SLC6A3: variants seen among roughly 807,000 people sequenced by gnomAD.
The protein encoded by SLC6A3 is sodium-dependent dopamine transporter.
SLC6A3 carries 19 observed loss-of-function variants against 70.4 expected under a neutral mutation model. The ratio of observed to expected loss-of-function variants is 0.27; its 90% CI spans 0.19 to 0.40. SLC6A3 has a LOEUF of 0.40. Ranked by LOEUF, SLC6A3 falls within the 10% of genes least tolerant of loss-of-function variation. The probability of loss-of-function intolerance (pLI) is 1.00; values close to 1 mark genes in which losing one functional copy is unlikely to be tolerated. For synonymous variants in SLC6A3, 368 were observed against 356.6 expected (o/e 1.03, Z -0.36); for missense variants, 613 against 838.5 (o/e 0.73, Z 3.32).
At chr5:1,412,280 G>C (rs1442699426) in intron 8 of SLC6A3, among the ~76,000 whole-genome samples, 1 of 152,196 alleles carries the variant, frequency 6.6e-6, no homozygotes, top group Non-Finnish European at 1.5e-5. Flanking sequence ...CCCCTGCCAC[G>C]GGGTCCCGCA....
Position 1,394,438 on chromosome 5 carries a change from C to T in SLC6A3, c.*297G>A. 1.8e-6 allele frequency: 1 copy of T among 553,090 alleles called. No homozygotes were observed. Among genetic ancestry groups the T allele is most frequent in the South Asian group, 2.1e-5 (1 of 48,158 alleles). 34.3% of individuals were successfully genotyped at this position (553,090 alleles called of 1,614,324 possible). The stretch of plus-strand genomic sequence containing the variant: ...CAGGGAGCAGGGAGGGAGGGAGCCT[C>T]ACACAGACAGCATGAAGTTAGACGT... On this transcript the variant is annotated 3_prime_UTR_variant, in exon 15 of 15. Coordinates refer to ENST00000270349, the MANE Select transcript of SLC6A3 (RefSeq NM_001044.5). The surrounding 1 kb of genome is among the most constrained non-coding windows in gnomAD (Gnocchi z 4.7).
chr5:1,427,473 AAG>A (rs1481260122), intron 4 of SLC6A3, among the ~76,000 whole-genome samples: 1 of 152,244 alleles, frequency 6.6e-6, no homozygotes, highest in Non-Finnish European at 1.5e-5. Flanking sequence ...AGAAACAAAG[AAG>A]AGAGGGGGCA....
At position 1,411,476 on chromosome 5, in the gene SLC6A3, G is replaced by T; in HGVS notation, c.1157-121C>A. On this transcript the variant is annotated intron_variant, in intron 8 of 14. Transcript: ENST00000270349. The surrounding 1 kb of genome is among the most constrained non-coding windows in gnomAD (Gnocchi z 6.5). ...GCCTGTAGAGACTAGGGCTGGTGCGGCTCTGCTGAAAAGCCCCCTTCTATA... is the reference window on the plus strand; with the variant it reads ...GCCTGTAGAGACTAGGGCTGGTGCGTCTCTGCTGAAAAGCCCCCTTCTATA... The T allele has an allele frequency of 1.3e-6, 1 of 773,868 alleles. No individual in the cohort carries two copies. The highest frequency in any genetic ancestry group is 2.2e-6 in the Non-Finnish European group (1 of 447,250). The allele number at this position is 773,868 out of a possible 1,614,324, so 47.9% of individuals were successfully genotyped here. A position where few individuals can be genotyped will look rare whatever the true frequency, so the allele number is the denominator to read the frequency against.
At chr5:1,414,845 A>G (rs934111003) in intron 7 of SLC6A3, 30 bp from the exon 8 acceptor site, 7 of 1,612,386 alleles carry the variant, frequency 4.3e-6, no homozygotes, top group Non-Finnish European at 5.9e-6. Flanking sequence ...CGTCTCAGGA[A>G]CCAGCTGAGC....
At chr5:1,420,103 C>G (rs934379657) in intron 6 of SLC6A3, among the ~76,000 whole-genome samples, 2 of 152,214 alleles carry the variant, frequency 1.3e-5, no homozygotes, top group Non-Finnish European at 2.9e-5. Context: ...CCCTGGGCGG[C>G]TTTGGGGCCT....
chr5:1,432,262 A>G (rs954831409), intron 4 of SLC6A3, among the ~76,000 whole-genome samples: 2 of 152,140 alleles, frequency 1.3e-5, no homozygotes, highest in South Asian at 4.1e-4. Flanking sequence ...CTCGCCCTAC[A>G]GGAGCTTTGC....
chr5:1,441,354 A>G lies in SLC6A3; in HGVS notation c.418+5T>C, dbSNP rs1413429851. On this transcript the variant is annotated splice_donor_5th_base_variant and intron_variant, in intron 3 of 14. Transcript: ENST00000270349. ...CCAGGGTGAAGGGAGGCACCCGCAT[A>G]TTACCTTTCAGTATGGGGCAGATCT... 2 of 1,614,212 alleles carry G rather than the reference A, an allele frequency of 1.2e-6. No individual in the cohort carries two copies. Among genetic ancestry groups the G allele is most frequent in the South Asian group, 2.2e-5 (2 of 91,086 alleles).
In SLC6A3 at chr5:1,396,841, T is replaced by A. The variant is rs1755733459; in HGVS notation, c.1840-2083A>T. On this transcript the variant is annotated intron_variant, in intron 14 of 14. Coordinates refer to ENST00000270349, the MANE Select transcript of SLC6A3 (RefSeq NM_001044.5). The surrounding 1 kb of genome is among the most constrained non-coding windows in gnomAD (Gnocchi z 7.0). ...TACACCAAATGCTGAAGCCAAATAA[T>A]ACACTTTTTAGGAAGCTAGAAATAT... Among the ~76,000 whole-genome samples, 1 of 152,026 alleles carries A rather than the reference T, an allele frequency of 6.6e-6. No individual in the cohort carries two copies. The highest frequency in any genetic ancestry group is 2.4e-5 in the African/African-American group (1 of 41,402).
At chr5:1,412,664 C>T (rs1756157023) in intron 8 of SLC6A3, among the ~76,000 whole-genome samples, 1 of 152,226 alleles carries the variant, frequency 6.6e-6, no homozygotes, top group Non-Finnish European at 1.5e-5. Flanking sequence ...GCCTTGCATC[C>T]TCCACTGGCT....
chr5:1,424,124 C>T (rs1436431666), intron 4 of SLC6A3, among the ~76,000 whole-genome samples: 3 of 152,210 alleles, frequency 2.0e-5, no homozygotes, highest in Non-Finnish European at 4.4e-5. Context: ...AGGCAGAGGC[C>T]CCAGGTTGGC....
chr5:1,422,672 A>ACG (rs1208734907), intron 4 of SLC6A3, among the ~76,000 whole-genome samples: 4 of 53,106 alleles, frequency 7.5e-5, no homozygotes, highest in Admixed American at 4.6e-4. Context: ...ACCGCTGCCC[A>ACG]GTGCTGCCCA....
chr5:1,409,206 A>G (rs1756056372), intron 10 of SLC6A3, 81 bp from the exon 11 acceptor site: 1 of 1,042,432 alleles, frequency 9.6e-7, no homozygotes. Flanking sequence ...CTGTGCACAC[A>G]AATTGTTTCA....
intron 4 of SLC6A3, among the ~76,000 whole-genome samples, chr5:1,428,168 A>G (rs1222279537): frequency 6.6e-6 from 1 of 152,230 alleles, no homozygotes; most frequent in Non-Finnish European, 1.5e-5. Flanking sequence ...AAACAGAATT[A>G]AATTAGAAAT....
chr5:1,399,361 A>G (rs1755792289), intron 14 of SLC6A3, among the ~76,000 whole-genome samples: 1 of 152,230 alleles, frequency 6.6e-6, no homozygotes. Context: ...TTGAGTGCTT[A>G]CATTAGAAAA....
chr5:1,443,429 C>A (rs1003226062), intron 1 of SLC6A3, among the ~76,000 whole-genome samples, 187 bp from the exon 2 acceptor site: 1 of 152,224 alleles, frequency 6.6e-6, no homozygotes, highest in African/African-American at 2.4e-5. Context: ...AGTGCCAGCC[C>A]TCACCACAGG....
chr5:1,425,280 A>C (rs1283266866), intron 4 of SLC6A3, among the ~76,000 whole-genome samples: 1 of 152,254 alleles, frequency 6.6e-6, no homozygotes, highest in Non-Finnish European at 1.5e-5. Flanking sequence ...TTTTACCAAG[A>C]GGGAGCCAAG....
rs1400863341 is a variant in SLC6A3, at chr5:1,416,115, G to A, written c.1014C>T (p.Phe338=). ...VLIAFSSYNK[F]TNNCYRDAIV... is the part of the protein sequence containing the mutation. The stretch of plus-strand genomic sequence containing the variant: ...GGGCTCACCTGTAGCAGTTGTTGGT[G>A]AACTTGTTGTAGCTGGAGAAGGCGA... The change falls in exon 7 of 15, where the codon TTC becomes TTT. Residue 338 remains phenylalanine (F), a synonymous_variant. Transcript: ENST00000270349. 2 of 1,613,782 alleles carry A rather than the reference G, an allele frequency of 1.2e-6. No homozygotes were observed. The highest frequency in any genetic ancestry group is 1.7e-6 in the Non-Finnish European group (2 of 1,179,848).
chr5:1,422,033 G>C lies in SLC6A3; in HGVS notation c.654-19C>G. The C allele has an allele frequency of 6.2e-7, 1 of 1,606,694 alleles. No individual in the cohort carries two copies. The highest frequency in any genetic ancestry group is 8.5e-7 in the Non-Finnish European group (1 of 1,178,516). ...GCCACGTCTGCAGAGGGGAGTCAGCGGGGGACTCTGTGGGTGGCTGTCAAC... is the reference window on the plus strand; with the variant it reads ...GCCACGTCTGCAGAGGGGAGTCAGCCGGGGACTCTGTGGGTGGCTGTCAAC... On this transcript the variant is annotated intron_variant, in intron 4 of 14. Coordinates refer to ENST00000270349, the MANE Select transcript of SLC6A3 (RefSeq NM_001044.5).
chr5:1,421,971 G>A lies in SLC6A3; in HGVS notation c.697C>T (p.Leu233=). 1 of 1,613,000 alleles carries A rather than the reference G, an allele frequency of 6.2e-7. No homozygotes were observed. The highest frequency in any genetic ancestry group is 8.5e-7 in the Non-Finnish European group (1 of 1,180,012). The change falls in exon 5 of 15, where the codon CTG becomes TTG. Residue 233 remains leucine (L), a synonymous_variant. Coordinates refer to ENST00000270349, the MANE Select transcript of SLC6A3 (RefSeq NM_001044.5). The surrounding 1 kb of genome is among the most constrained non-coding windows in gnomAD (Gnocchi z 7.2). ...GTGAGCTGCCACCGCGGAGGCCCCAGGTCGTCGATGCCATGGCTCTGGTGG... is the reference window on the plus strand; with the variant it reads ...GTGAGCTGCCACCGCGGAGGCCCCAAGTCGTCGATGCCATGGCTCTGGTGG... ...HLHQSHGIDD[L]GPPRWQLTAC...
Sources: allele counts gnomAD v4.1 joint callset (sites outside exome capture counted in the v4.1 genomes callset), GRCh38; gene constraint gnomAD v4.1.1; non-coding constraint Gnocchi (gnomAD v3.1); transcripts MANE v1.5; gene names NCBI Gene and HGNC (gene_info 2026-07-23, HGNC 2026-07-21).